TIAM1: variants seen among roughly 807,000 people sequenced by gnomAD.
TIAM1 encodes the protein TIAM Rac1 associated GEF 1.
In TIAM1, 65 loss-of-function variants were observed where a neutral mutation model predicts 163.5. The ratio of observed to expected loss-of-function variants is 0.40; its 90% CI spans 0.33 to 0.49. TIAM1 has a LOEUF of 0.49. Ranked by LOEUF, TIAM1 falls within the 20% of genes least tolerant of loss-of-function variation. TIAM1 has a pLI of 0.77. For missense variants in TIAM1, 1,789 were observed against 2,044.7 expected (o/e 0.87, Z 2.41); for synonymous variants, 833 against 810.1 (o/e 1.03, Z -0.48).
chr21:31,521,796 A>T (rs567897845), intron 1 of TIAM1, among the ~76,000 whole-genome samples: 1 of 149,976 alleles, frequency 6.7e-6, no homozygotes, highest in African/African-American at 2.5e-5. Flanking sequence ...GGACAGTAAG[A>T]ACTCTAATAA....
intron 2 of TIAM1, among the ~76,000 whole-genome samples, chr21:31,432,321 G>A (rs71321390): frequency 1.3e-5 from 2 of 151,938 alleles, no homozygotes; most frequent in South Asian, 2.1e-4. Context: ...GCATGGTCTC[G>A]ATCTCCTGAC....
chr21:31,400,188 C>T (rs1391138673), intron 2 of TIAM1, among the ~76,000 whole-genome samples: 3 of 151,808 alleles, frequency 2.0e-5, no homozygotes, highest in African/African-American at 4.8e-5. Flanking sequence ...AGTGCAGTGG[C>T]GTGATCTTGG....
chr21:31,314,870 G>C (rs1288224740), intron 2 of TIAM1, among the ~76,000 whole-genome samples: 2 of 152,110 alleles, frequency 1.3e-5, no homozygotes, highest in East Asian at 3.9e-4. Context: ...ACTTTCAAAG[G>C]TATCTGAACC....
At chr21:31,447,991 T>C (rs540450861) in intron 2 of TIAM1, among the ~76,000 whole-genome samples, 192 of 152,164 alleles carry the variant, frequency 1.3e-3, no homozygotes, top group African/African-American at 4.4e-3. Context: ...GCAGGAGAAA[T>C]TCCCCCTCAC....
intron 9 of TIAM1, 57 bp from the exon 10 acceptor site, chr21:31,213,529 C>T (rs1323605106): frequency 1.0e-5 from 15 of 1,493,390 alleles, no homozygotes; most frequent in East Asian, 2.3e-5. Flanking sequence ...GCAAACGAAA[C>T]GTAGGAAGGG....
chr21:31,191,826 G>T (rs2085576709), intron 13 of TIAM1, among the ~76,000 whole-genome samples: 1 of 152,154 alleles, frequency 6.6e-6, no homozygotes, highest in African/African-American at 2.4e-5. Flanking sequence ...GCAGTTTCAT[G>T]CCCAGTTCCA....
At position 31,267,508 on chromosome 21, in the gene TIAM1, G is replaced by A. The variant is rs568686506; in HGVS notation, c.-11-525C>T. ...CCCTCCCTGACAATGGGTACGTTTCGTTTTTTCATTTTTTTTTTTTTTTTG... is the reference window on the plus strand; with the variant it reads ...CCCTCCCTGACAATGGGTACGTTTCATTTTTTCATTTTTTTTTTTTTTTTG... On this transcript the variant is annotated intron_variant, in intron 3 of 27. Transcript: ENST00000541036. Among the ~76,000 whole-genome samples the A allele has an allele frequency of 4.5e-5, 6 of 131,880 alleles. No individual in the cohort carries two copies. The South Asian group carries it at 1.1e-3, about 23-fold the overall frequency. The allele number at this position is 131,880 out of a possible 152,430, so 86.5% of individuals were successfully genotyped here.
chr21:31,216,499 C>G (rs1226890819), intron 9 of TIAM1, among the ~76,000 whole-genome samples: 1 of 152,102 alleles, frequency 6.6e-6, no homozygotes, highest in Non-Finnish European at 1.5e-5. Context: ...TTCCTTTAGT[C>G]CCTGAAATCT....
intron 2 of TIAM1, 69 bp downstream of exon 2, chr21:31,339,174 G>T: frequency 2.5e-6 from 1 of 395,646 alleles, no homozygotes; most frequent in African/African-American, 2.1e-5. Context: ...ATTTGGGCAG[G>T]ATCAAGATAA....
At chr21:31,259,913 C>T (rs1406313315) in intron 4 of TIAM1, among the ~76,000 whole-genome samples, 1 of 151,420 alleles carries the variant, frequency 6.6e-6, no homozygotes, top group Non-Finnish European at 1.5e-5. Context: ...ATGCCTCTGT[C>T]CCACATCTTT....
intron 2 of TIAM1, among the ~76,000 whole-genome samples, chr21:31,409,291 G>C: frequency 6.6e-6 from 1 of 151,794 alleles, no homozygotes; most frequent in East Asian, 1.9e-4. Flanking sequence ...TGTATTTTTA[G>C]TAGAGACGGG....
chr21:31,295,464 C>CGT (rs2074217224), intron 2 of TIAM1, among the ~76,000 whole-genome samples: 1 of 80,142 alleles, frequency 1.2e-5, no homozygotes, highest in African/African-American at 6.1e-5. Flanking sequence ...AGTGAGACTC[C>CGT]ATCACAAAAA....
At chr21:31,315,447 G>A (rs1266197146) in intron 2 of TIAM1, among the ~76,000 whole-genome samples, 6 of 151,728 alleles carry the variant, frequency 4.0e-5, no homozygotes, top group Admixed American at 6.6e-5. Flanking sequence ...CCCGGGAGGC[G>A]GAGCTTGCAG....
chr21:31,348,222 G>A (rs144406247), upstream of TIAM1, among the ~76,000 whole-genome samples: 1 of 152,302 alleles, frequency 6.6e-6, no homozygotes, highest in East Asian at 1.9e-4. Context: ...GGGGTCTCCA[G>A]AACCAACTTG....
chr21:31,253,214 C>A (rs2071912159), intron 4 of TIAM1, among the ~76,000 whole-genome samples: 1 of 152,148 alleles, frequency 6.6e-6, no homozygotes, highest in African/African-American at 2.4e-5. Flanking sequence ...AAGAAAGGAG[C>A]CTAATTGTTC....
At chr21:31,523,995 T>G in intron 1 of TIAM1, among the ~76,000 whole-genome samples, 1 of 145,088 alleles carries the variant, frequency 6.9e-6, no homozygotes, top group East Asian at 2.3e-4. Flanking sequence ...CCAGCCTGGG[T>G]GACGAAGCCA....
intron 22 of TIAM1, among the ~76,000 whole-genome samples, chr21:31,139,058 T>C (rs2082731841): frequency 6.6e-6 from 1 of 152,236 alleles, no homozygotes; most frequent in African/African-American, 2.4e-5. Context: ...TATCACTTTG[T>C]TCCTCACTGG....
At chr21:31,393,042 C>A (rs888882277) in intron 2 of TIAM1, among the ~76,000 whole-genome samples, 11 of 151,836 alleles carry the variant, frequency 7.2e-5, no homozygotes, top group Non-Finnish European at 1.2e-4. Flanking sequence ...AGCAACTTCC[C>A]CCTCCTGGGC....
intron 2 of TIAM1, among the ~76,000 whole-genome samples, chr21:31,428,746 A>G (rs1239999349): frequency 1.3e-5 from 2 of 151,754 alleles, no homozygotes; most frequent in East Asian, 4.0e-4. Flanking sequence ...AGCCAGGCAT[A>G]ATGGCACATG....
Sources: gnomAD v4.1 joint callset for allele counts (sites outside exome capture counted in the v4.1 genomes callset) on GRCh38, gnomAD v4.1.1 for gene constraint, MANE v1.5 for transcripts, NCBI Gene and HGNC (gene_info 2026-07-23, HGNC 2026-07-21) for gene names.